COL4A2: variants seen among roughly 807,000 people sequenced by gnomAD.
COL4A2 encodes collagen alpha-2(IV) chain.
A neutral mutation model predicts 200.2 loss-of-function variants in COL4A2; 99 were observed. The observed-to-expected ratio is 0.49, with a 90% CI of 0.42 to 0.58. The LOEUF (loss-of-function observed/expected upper bound fraction) is 0.58, where lower values mean the gene tolerates loss of function less well. Among genes scored for constraint, COL4A2 ranks in the 20% least tolerant of loss-of-function variants. The pLI is 0.00. For synonymous variants in COL4A2, 897 were observed against 900.6 expected (o/e 1.00, Z 0.07); for missense variants, 1,950 against 2,314.1 (o/e 0.84, Z 3.23).
At chr13:110,308,241 T>C in intron 3 of COL4A2, 118 bp downstream of exon 3, 1 of 1,140,364 alleles carries the variant, frequency 8.8e-7, no homozygotes, top group Non-Finnish European at 1.3e-6. Context: ...GTGTGGATGT[T>C]CGCCAGGCTG....
intron 6 of COL4A2, among the ~76,000 whole-genome samples, chr13:110,425,544 A>T (rs1411451148): frequency 6.6e-6 from 1 of 152,202 alleles, no homozygotes; most frequent in Non-Finnish European, 1.5e-5. Context: ...CCTGACTCAC[A>T]GCCTTCTTCA....
chr13:110,457,534 C>T (rs745640846), intron 21 of COL4A2, 99 bp downstream of exon 21: 6 of 775,418 alleles, frequency 7.7e-6, no homozygotes, highest in South Asian at 1.5e-5. Context: ...CGTGTTTGGA[C>T]ATGAAAATGA....
chr13:110,455,789 G>A (rs113979543), intron 20 of COL4A2, among the ~76,000 whole-genome samples: 6 of 152,238 alleles, frequency 3.9e-5, no homozygotes, highest in Admixed American at 1.3e-4. Flanking sequence ...GCAAACTCCC[G>A]TGCTCTTTTC....
intron 16 of COL4A2, among the ~76,000 whole-genome samples, chr13:110,441,859 T>C (rs1881135582): frequency 1.3e-5 from 2 of 151,264 alleles, no homozygotes; most frequent in South Asian, 4.2e-4. Flanking sequence ...GGTGAGTGGA[T>C]CATAGAGGTC....
At chr13:110,384,731 C>G (rs111260679) in intron 4 of COL4A2, among the ~76,000 whole-genome samples, 19 of 152,304 alleles carry the variant, frequency 1.2e-4, no homozygotes, top group African/African-American at 4.1e-4. Flanking sequence ...GCCCTGTGTC[C>G]TTAGCACCCT....
intron 3 of COL4A2, among the ~76,000 whole-genome samples, chr13:110,320,074 A>G (rs1031291325): frequency 6.6e-6 from 1 of 152,274 alleles, no homozygotes; most frequent in Non-Finnish European, 1.5e-5. Context: ...CACACCGCAC[A>G]GTGAGTTTTC....
chr13:110,480,099 G>T, intron 30 of COL4A2, 121 bp from the exon 31 acceptor site: 1 of 1,122,394 alleles, frequency 8.9e-7, no homozygotes. Context: ...CCAACATGGT[G>T]GTTTTCCACT....
At position 110,339,308 on chromosome 13, in the gene COL4A2, G is replaced by A. The variant is rs1876346546; in HGVS notation, c.100-18164G>A. 2.0e-5 allele frequency among the ~76,000 whole-genome samples: 3 copies of A among 152,224 alleles called. No individual in the cohort carries two copies. In the South Asian group the frequency reaches 6.2e-4, roughly 32 times the overall value. On this transcript the variant is annotated intron_variant, in intron 3 of 47. Coordinates refer to ENST00000360467, the MANE Select transcript of COL4A2 (RefSeq NM_001846.4). ...GGAGGGGCAGCATGTTATCACAATAGCATCGTGATGAGATTCCTGGATGGA... is the reference window on the plus strand; with the variant it reads ...GGAGGGGCAGCATGTTATCACAATAACATCGTGATGAGATTCCTGGATGGA...
chr13:110,313,545 C>G, intron 3 of COL4A2, among the ~76,000 whole-genome samples: 1 of 110,878 alleles, frequency 9.0e-6, no homozygotes, highest in African/African-American at 3.3e-5. Context: ...CGGTGCCCCG[C>G]GTCCACCCGG....
intron 29 of COL4A2, among the ~76,000 whole-genome samples, chr13:110,474,087 A>C (rs541335638): frequency 7.9e-5 from 12 of 152,338 alleles, no homozygotes; most frequent in African/African-American, 2.6e-4. Context: ...TGATCATTCC[A>C]CTGCACTCCA....
chr13:110,440,544 C>T (rs1440002407), intron 16 of COL4A2, among the ~76,000 whole-genome samples: 18 of 151,964 alleles, frequency 1.2e-4, no homozygotes, highest in African/African-American at 4.1e-4. Context: ...TACAGTGAGC[C>T]GAGATCGCGC....
intron 45 of COL4A2, among the ~76,000 whole-genome samples, chr13:110,505,444 G>C (rs747785755): frequency 3.1e-4 from 47 of 152,314 alleles, no homozygotes; most frequent in Non-Finnish European, 6.3e-4. Flanking sequence ...ATCCGCAGCC[G>C]GCAAATTATG....
At chr13:110,391,074 T>C (rs148417513) in intron 4 of COL4A2, among the ~76,000 whole-genome samples, 161 of 152,314 alleles carry the variant, frequency 1.1e-3, no homozygotes, top group African/African-American at 3.7e-3. Flanking sequence ...CCCTCATTCA[T>C]GAAAAAATGC....
chr13:110,332,403 C>T (rs938180565), intron 3 of COL4A2, among the ~76,000 whole-genome samples: 1 of 152,158 alleles, frequency 6.6e-6, no homozygotes, highest in Admixed American at 6.5e-5. Flanking sequence ...AGTTAGGTTT[C>T]GGTCAGAGAT....
chr13:110,350,315 C>T (rs1305249471), intron 3 of COL4A2, among the ~76,000 whole-genome samples: 1 of 152,212 alleles, frequency 6.6e-6, no homozygotes, highest in Non-Finnish European at 1.5e-5. Flanking sequence ...TGAATTGGCA[C>T]AGCAATGCTG....
At chr13:110,403,907 G>A (rs1403409054) in intron 4 of COL4A2, among the ~76,000 whole-genome samples, 1 of 152,226 alleles carries the variant, frequency 6.6e-6, no homozygotes, top group Non-Finnish European at 1.5e-5. Flanking sequence ...TGAAGAGCAA[G>A]TGACCAGCAG....
In COL4A2 at chr13:110,466,081, G is replaced by A. The variant is rs1357408881; in HGVS notation, c.2038+19G>A. The A allele has an allele frequency of 7.4e-6, 12 of 1,611,982 alleles. No homozygotes were observed. The African/African-American group carries it at 8.0e-5, about 11-fold the overall frequency. The stretch of plus-strand genomic sequence containing the variant: ...CAGCCAGGTACTCTGGGAAGTGCAG[G>A]TGGCTTTAGGACACTAGAGAACTCT... On this transcript the variant is annotated intron_variant, in intron 26 of 47. Coordinates refer to ENST00000360467, the MANE Select transcript of COL4A2 (RefSeq NM_001846.4).
At position 110,507,939 on chromosome 13, in the gene COL4A2, G is replaced by A. The variant is rs368434634; in HGVS notation, c.4599G>A (p.Leu1533=). Residue 1533 remains leucine (L), a synonymous_variant, in exon 47 of 48, where the codon CTG becomes CTA. Coordinates refer to ENST00000360467, the MANE Select transcript of COL4A2 (RefSeq NM_001846.4). ...TCATGACCCCTCCTTCCACAGGGCT[G>A]GCGGGCTCCTGCCTGGCGCGGTTCA... ...QEKAHNQDLG[L]AGSCLARFST... is the part of the protein sequence containing the mutation. The A allele has an allele frequency of 3.0e-5, 49 of 1,613,388 alleles. No homozygotes were observed. The Middle Eastern group carries it at 9.9e-4, about 33-fold the overall frequency.
At chr13:110,371,325 C>T (rs182428653) in intron 4 of COL4A2, among the ~76,000 whole-genome samples, 7 of 152,196 alleles carry the variant, frequency 4.6e-5, no homozygotes, top group Non-Finnish European at 1.0e-4. Context: ...ACATGATGTG[C>T]GTTGTATGTG....
Sources: gnomAD v4.1 joint callset for allele counts (sites outside exome capture counted in the v4.1 genomes callset) on GRCh38, gnomAD v4.1.1 for gene constraint, MANE v1.5 for transcripts, NCBI Gene and HGNC (gene_info 2026-07-23, HGNC 2026-07-21) for gene names.